Variants in ROBO2 observed in about 807,000 individuals in gnomAD.
ROBO2 encodes the protein roundabout homolog 2.
In ROBO2, 53 loss-of-function variants were observed where a neutral mutation model predicts 160.8. The observed-to-expected ratio is 0.33, with a 90% confidence interval of 0.26 to 0.41. ROBO2 has a LOEUF of 0.41. Ranked by LOEUF, ROBO2 falls within the 10% of genes least tolerant of loss-of-function variation. The pLI, the probability that ROBO2 is intolerant of heterozygous loss-of-function variation, is 1.00. For missense variants in ROBO2, 1,577 were observed against 1,722.4 expected (o/e 0.92, Z 1.49); for synonymous variants, 664 against 611.7 (o/e 1.09, Z -1.26).
chr3:77,621,406 G>A (rs950709335), intron 22 of ROBO2, among the ~76,000 whole-genome samples: 8 of 151,772 alleles, frequency 5.3e-5, no homozygotes, highest in Non-Finnish European at 1.2e-4. Flanking sequence ...ATCCTGGGTG[G>A]CAGAACAAGA....
chr3:76,182,920 A>G (rs542066576), intron 2 of ROBO2, among the ~76,000 whole-genome samples: 1 of 152,264 alleles, frequency 6.6e-6, no homozygotes, highest in South Asian at 2.1e-4. Context: ...TTGCTCTATA[A>G]CAAATTTCCT....
intron 2 of ROBO2, among the ~76,000 whole-genome samples, chr3:76,878,545 A>G (rs1314265124): frequency 1.3e-5 from 2 of 152,242 alleles, no homozygotes; most frequent in African/African-American, 4.8e-5. Context: ...CATCCAGAAC[A>G]TTGCCACAAT....
At chr3:77,578,873 CT>C (rs905368734) in intron 15 of ROBO2, among the ~76,000 whole-genome samples, 1 of 151,760 alleles carries the variant, frequency 6.6e-6, no homozygotes. Flanking sequence ...AATATTGTTA[CT>C]TTTTTTTACA....
chr3:76,170,383 T>A (rs897303998), intron 2 of ROBO2, among the ~76,000 whole-genome samples: 2 of 152,212 alleles, frequency 1.3e-5, no homozygotes, highest in African/African-American at 2.4e-5. Flanking sequence ...TACGTGCAGC[T>A]ACAAATTGAG....
chr3:76,166,224 G>A (rs2072832000), intron 2 of ROBO2, among the ~76,000 whole-genome samples: 1 of 152,040 alleles, frequency 6.6e-6, no homozygotes, highest in African/African-American at 2.4e-5. Flanking sequence ...AGACATACCT[G>A]TACATATTTT....
intron 2 of ROBO2, among the ~76,000 whole-genome samples, chr3:77,249,130 C>T (rs557528171): frequency 2.6e-5 from 4 of 152,226 alleles, no homozygotes; most frequent in African/African-American, 7.2e-5. Flanking sequence ...GGATTACAGG[C>T]GTGAGCCACC....
At chr3:76,861,824 AG>A (rs1205397212) in intron 2 of ROBO2, among the ~76,000 whole-genome samples, 1 of 152,208 alleles carries the variant, frequency 6.6e-6, no homozygotes, top group African/African-American at 2.4e-5. Context: ...CAGTAGTCAC[AG>A]CCTGCTTTTC....
intron 2 of ROBO2, among the ~76,000 whole-genome samples, chr3:76,869,474 C>A (rs1323502918): frequency 6.6e-6 from 1 of 151,212 alleles, no homozygotes; most frequent in Non-Finnish European, 1.5e-5. Flanking sequence ...CTCAGCCTCC[C>A]GAGTAGCTGG....
At chr3:76,412,353 A>G (rs989850813) in intron 2 of ROBO2, among the ~76,000 whole-genome samples, 3 of 152,012 alleles carry the variant, frequency 2.0e-5, no homozygotes, top group African/African-American at 7.2e-5. Context: ...TCCAAATCTC[A>G]TGTCCTCACA....
intron 22 of ROBO2, 26 bp from the exon 24 acceptor site, chr3:77,622,201 T>G: frequency 5.6e-6 from 9 of 1,607,708 alleles, no homozygotes; most frequent in Non-Finnish European, 7.7e-6. Context: ...GTTGCTTTTC[T>G]TTTTTAAATT....
At chr3:77,519,355 A>T (rs891759534) in intron 5 of ROBO2, among the ~76,000 whole-genome samples, 3 of 151,378 alleles carry the variant, frequency 2.0e-5, no homozygotes, top group Admixed American at 6.6e-5. Context: ...AATTTTTTTT[A>T]AATTTCAACC....
chr3:76,395,616 G>A (rs868079711), intron 2 of ROBO2, among the ~76,000 whole-genome samples: 60 of 151,728 alleles, frequency 4.0e-4, no homozygotes, highest in African/African-American at 1.1e-3. Flanking sequence ...TCAAATAGAC[G>A]CAATAAAAAA....
intron 2 of ROBO2, among the ~76,000 whole-genome samples, chr3:76,593,796 A>G (rs2086570390): frequency 6.6e-6 from 1 of 151,896 alleles, no homozygotes; most frequent in South Asian, 2.1e-4. Flanking sequence ...CTTCATGTTT[A>G]TTTATTATAT....
chr3:76,784,627 T>A (rs1285372388), intron 2 of ROBO2, among the ~76,000 whole-genome samples: 1 of 151,172 alleles, frequency 6.6e-6, no homozygotes, highest in Non-Finnish European at 1.5e-5. Flanking sequence ...CACAGGACAG[T>A]ATATAGGATG....
chr3:77,356,645 A>G lies in ROBO2; in HGVS notation c.389-120769A>G, dbSNP rs1248551225. Among the ~76,000 whole-genome samples the G allele has an allele frequency of 4.6e-5, 7 of 152,318 alleles. No individual in the cohort carries two copies. In the East Asian group the frequency reaches 1.3e-3, roughly 29 times the overall value. Reference sequence around the variant, plus strand: ...ATGAGAACTTTTGAAATGAAAACGCAATTTATATATTGTTTTGGGGAAATA... The same window carrying G: ...ATGAGAACTTTTGAAATGAAAACGCGATTTATATATTGTTTTGGGGAAATA... On this transcript the variant is annotated intron_variant, in intron 2 of 25. Coordinates refer to ENST00000461745, the Ensembl canonical transcript of ROBO2.
chr3:76,627,223 C>T (rs989071536), intron 2 of ROBO2, among the ~76,000 whole-genome samples: 4 of 152,312 alleles, frequency 2.6e-5, no homozygotes, highest in Admixed American at 6.5e-5. Context: ...AATGGACTCT[C>T]TTATGGGGCT....
chr3:77,242,805 TC>T (rs1191500830), intron 2 of ROBO2, among the ~76,000 whole-genome samples: 1 of 151,206 alleles, frequency 6.6e-6, no homozygotes, highest in Non-Finnish European at 1.5e-5. Flanking sequence ...CTTTTCCATA[TC>T]TAGTAGAGTC....
chr3:75,915,629 G>T (rs975343246), intron 1 of ROBO2, among the ~76,000 whole-genome samples: 1 of 152,090 alleles, frequency 6.6e-6, no homozygotes, highest in Non-Finnish European at 1.5e-5. Flanking sequence ...ATTACATAGC[G>T]GGGCTTTCGA....
intron 2 of ROBO2, among the ~76,000 whole-genome samples, chr3:76,546,372 G>T (rs779690101): frequency 6.6e-6 from 1 of 151,978 alleles, no homozygotes; most frequent in East Asian, 1.9e-4. Context: ...GAAGGTAAAA[G>T]TGCTGCCCAA....
Sources: gnomAD v4.1 joint callset for allele counts (sites outside exome capture counted in the v4.1 genomes callset) on GRCh38, gnomAD v4.1.1 for gene constraint, MANE v1.5 for transcripts, NCBI Gene and HGNC (gene_info 2026-07-23, HGNC 2026-07-21) for gene names.